The following DENND5A variants were observed in gnomAD, a reference collection of about 807,000 sequenced individuals.
The protein encoded by DENND5A is DENN domain containing 5A.
DENND5A carries 64 observed loss-of-function variants against 140.3 expected under a neutral mutation model. The ratio of observed to expected loss-of-function variants is 0.46; its 90% CI spans 0.37 to 0.56. The LOEUF is 0.56. Among genes scored for constraint, DENND5A ranks in the 20% least tolerant of loss-of-function variants. The pLI, the probability that DENND5A is intolerant of heterozygous loss-of-function variation, is 0.00. For missense variants in DENND5A, 1,292 were observed against 1,593.8 expected (o/e 0.81, Z 3.22); for synonymous variants, 605 against 607.7 (o/e 1.00, Z 0.07).
At chr11:9,256,456 G>A (rs1264058099) in intron 1 of DENND5A, among the ~76,000 whole-genome samples, 1 of 151,392 alleles carries the variant, frequency 6.6e-6, no homozygotes, top group Non-Finnish European at 1.5e-5. Context: ...ATGAAACTCT[G>A]TCTCAGAAAA....
intron 8 of DENND5A, chr11:9,176,852 C>T: frequency 2.2e-6 from 1 of 456,156 alleles, no homozygotes; most frequent in South Asian, 1.5e-5. Flanking sequence ...TCAATGTTCA[C>T]TTTCACAGCT....
At chr11:9,167,122 G>A (rs537765890) in intron 10 of DENND5A, among the ~76,000 whole-genome samples, 2 of 152,190 alleles carry the variant, frequency 1.3e-5, no homozygotes, top group Non-Finnish European at 2.9e-5. Context: ...GTTTAACACA[G>A]AACCCACATC....
At chr11:9,231,532 A>G (rs1850769974) in intron 1 of DENND5A, among the ~76,000 whole-genome samples, 2 of 152,106 alleles carry the variant, frequency 1.3e-5, no homozygotes, top group African/African-American at 4.8e-5. Flanking sequence ...CCTGACCAAC[A>G]TAGAGAAACT....
chr11:9,145,902 G>A lies in DENND5A; in HGVS notation c.2858-87C>T. 5.5e-6 allele frequency: 8 copies of A among 1,445,730 alleles called. 1 individual carries two copies. The South Asian group carries it at 9.8e-5, about 18-fold the overall frequency. 89.6% of individuals were successfully genotyped at this position (1,445,730 alleles called of 1,614,324 possible). On this transcript the variant is annotated intron_variant, in intron 16 of 22. Transcript: ENST00000328194. ...GACTCTGACCTGCTCCAGGAAGGCT[G>A]GCACAACTGTGGCTCCTGCTATCTC...
intron 1 of DENND5A, among the ~76,000 whole-genome samples, chr11:9,237,874 C>T (rs775665053): frequency 2.6e-5 from 4 of 152,030 alleles, no homozygotes; most frequent in African/African-American, 4.8e-5. Flanking sequence ...CAGAGCGAGG[C>T]TCCATTTCAA....
intron 4 of DENND5A, among the ~76,000 whole-genome samples, chr11:9,198,620 A>G (rs1849414897): frequency 6.6e-6 from 1 of 151,676 alleles, no homozygotes; most frequent in African/African-American, 2.4e-5. Flanking sequence ...AAAAAAAAAA[A>G]GAAAAAAGAA....
intron 1 of DENND5A, among the ~76,000 whole-genome samples, chr11:9,210,570 GTCACAC>G (rs1163240702): frequency 6.6e-6 from 1 of 152,160 alleles, no homozygotes; most frequent in Non-Finnish European, 1.5e-5. Flanking sequence ...TTGAGATAAG[GTCACAC>G]TCTGTTGCCC....
intron 4 of DENND5A, among the ~76,000 whole-genome samples, chr11:9,196,991 A>G (rs535461962): frequency 6.6e-6 from 1 of 151,968 alleles, no homozygotes; most frequent in East Asian, 1.9e-4. Flanking sequence ...ATACACATAT[A>G]TTCAACACCT....
intron 1 of DENND5A, among the ~76,000 whole-genome samples, chr11:9,249,063 T>C (rs758004972): frequency 5.3e-5 from 8 of 151,926 alleles, no homozygotes; most frequent in Non-Finnish European, 8.8e-5. Context: ...CTGTCTCTAC[T>C]ACAAATACAA....
At position 9,213,573 on chromosome 11, in the gene DENND5A, C is replaced by T. The variant is rs557888773; in HGVS notation, c.110-5941G>A. ...CTGTAATCCCAGCATTTTGGGAGGCCGAGGCGGGTGCATCAACTGAGGTCA... is the reference window on the plus strand; with the variant it reads ...CTGTAATCCCAGCATTTTGGGAGGCTGAGGCGGGTGCATCAACTGAGGTCA... On this transcript the variant is annotated intron_variant, in intron 1 of 22. Coordinates refer to ENST00000328194, the MANE Select transcript of DENND5A (RefSeq NM_015213.4). Among the ~76,000 whole-genome samples, 20 of 151,268 alleles carry T rather than the reference C, an allele frequency of 1.3e-4. No homozygotes were observed. The East Asian group carries it at 2.4e-3, about 18-fold the overall frequency.
In DENND5A at chr11:9,150,720, G is replaced by C; in HGVS notation, c.2566C>G (p.Leu856Val). 3 of 1,613,662 alleles carry C rather than the reference G, an allele frequency of 1.9e-6. No individual in the cohort carries two copies. Among genetic ancestry groups the C allele is most frequent in the African/African-American group, 1.3e-5 (1 of 75,044 alleles). ...SERRKSDASS[L>V]MPPLRISLIQ... ...AGGGAGATCCTCAGGGGAGGCATGA[G>C]TGAGCTGGCATCAGACTTCCTACGT... Residue 856 changes from leucine to valine, a missense_variant, in exon 14 of 23, where the codon CTC becomes GTC. By Grantham distance (32) the Leu-to-Val change is conservative. This residue lies in a region of DENND5A where 498 missense variants were observed against 689.7 expected (regional missense o/e 0.72). Transcript: ENST00000328194.
At chr11:9,149,169 C>CA (rs1847529711) in intron 15 of DENND5A, among the ~76,000 whole-genome samples, 2 of 152,174 alleles carry the variant, frequency 1.3e-5, no homozygotes, top group Non-Finnish European at 1.5e-5. Context: ...CATGAATACA[C>CA]AGCCCCCATG....
chr11:9,186,998 T>G (rs1053642313), intron 5 of DENND5A, among the ~76,000 whole-genome samples: 2 of 152,120 alleles, frequency 1.3e-5, no homozygotes, highest in African/African-American at 4.8e-5. Context: ...GCAGGAAAAT[T>G]GCTTGAACCC....
chr11:9,143,567 G>A (rs1847320968), intron 19 of DENND5A, 82 bp from the exon 20 acceptor site: 9 of 1,173,976 alleles, frequency 7.7e-6, no homozygotes, highest in South Asian at 2.4e-5. Flanking sequence ...CTGAGGACAC[G>A]GGGAGGGCCC....
rs7928985 is a variant in DENND5A, at chr11:9,146,517, T to C, written c.2857+513A>G. ...AGAGAGACTGGGACTCACAGCAGGA[T>C]AGACTCTGCTCACAGACACATAATG... On this transcript the variant is annotated intron_variant, in intron 16 of 22. Transcript: ENST00000328194. 3.0e-3 allele frequency among the ~76,000 whole-genome samples: 451 copies of C among 152,322 alleles called. 1 individual carries two copies. The highest frequency in any genetic ancestry group is 0.01 in the African/African-American group (426 of 41,576).
At chr11:9,231,321 TAAG>T (rs1290305651) in intron 1 of DENND5A, among the ~76,000 whole-genome samples, 1 of 152,228 alleles carries the variant, frequency 6.6e-6, no homozygotes, top group African/African-American at 2.4e-5. Context: ...GTGGCTATAC[TAAG>T]AACACTGACA....
intron 1 of DENND5A, among the ~76,000 whole-genome samples, chr11:9,256,758 G>C (rs1226829158): frequency 6.6e-6 from 1 of 152,188 alleles, no homozygotes; most frequent in East Asian, 1.9e-4. Context: ...AAAATGATGA[G>C]TAACTGCTAA....
At chr11:9,155,933 C>T (rs942154468) in intron 12 of DENND5A, among the ~76,000 whole-genome samples, 5 of 152,208 alleles carry the variant, frequency 3.3e-5, no homozygotes, top group Non-Finnish European at 5.9e-5. Context: ...AGCAAAAATG[C>T]TGTTTGGGTT....
chr11:9,194,625 T>C (rs545820022), intron 4 of DENND5A, among the ~76,000 whole-genome samples: 299 of 151,964 alleles, frequency 2.0e-3, no homozygotes, highest in African/African-American at 6.0e-3. Context: ...TGACTTTAGC[T>C]ACTCAAAACT....
Sources: allele counts gnomAD v4.1 joint callset (sites outside exome capture counted in the v4.1 genomes callset), GRCh38; gene constraint gnomAD v4.1.1; regional missense constraint gnomAD v4.1.1; transcripts MANE v1.5; gene names NCBI Gene and HGNC (gene_info 2026-07-23, HGNC 2026-07-21).